ATP4A: variants seen among roughly 807,000 people sequenced by gnomAD.
The protein encoded by ATP4A is ATPase H+/K+ transporting subunit alpha.
In ATP4A, 73 loss-of-function variants were observed where a neutral mutation model predicts 112.1. The ratio of observed to expected loss-of-function variants is 0.65; its 90% CI spans 0.54 to 0.79. The LOEUF (loss-of-function observed/expected upper bound fraction) is 0.79, where lower values mean the gene tolerates loss of function less well. ATP4A is among the 30% of genes least tolerant of loss of function. ATP4A has a pLI of 0.00. For synonymous variants in ATP4A, 588 were observed against 588.9 expected (o/e 1.00, Z 0.02); for missense variants, 1,081 against 1,425.9 (o/e 0.76, Z 3.90).
Position 35,560,478 on chromosome 19 carries a change from C to T in ATP4A, c.672G>A (p.Val224=), listed in dbSNP as rs2071662994. The T allele has an allele frequency of 6.2e-7, 1 of 1,613,670 alleles. No homozygotes were observed. Among genetic ancestry groups the T allele is most frequent in the Non-Finnish European group, 8.5e-7 (1 of 1,180,014 alleles). Residue 224 remains valine, a synonymous_variant, in exon 6 of 22, where the codon GTG becomes GTA. Coordinates refer to ENST00000262623, the MANE Select transcript of ATP4A (RefSeq NM_000704.3). The surrounding 1 kb of genome is among the most constrained non-coding windows in gnomAD (Gnocchi z 5.1). Reference sequence around the variant, plus strand: ...ACTCCCCTGTCAGCGAGGAGTTGTCCACCTTGCAGCCCTGGGCCGCCAGGA... The same window carrying T: ...ACTCCCCTGTCAGCGAGGAGTTGTCTACCTTGCAGCCCTGGGCCGCCAGGA... The part of the protein sequence containing the change: ...IRILAAQGCK[V]DNSSLTGESE...
At position 35,560,663 on chromosome 19, in the gene ATP4A, G is replaced by GGGGGGGGC; in HGVS notation, c.535-49_535-48insGCCCCCCC. 1.8e-5 allele frequency: 16 copies of GGGGGGGGC among 883,904 alleles called. No homozygotes were observed. The highest frequency in any genetic ancestry group is 2.8e-5 in the Non-Finnish European group (16 of 561,672). 54.8% of individuals were successfully genotyped at this position (883,904 alleles called of 1,614,324 possible). A position where few individuals can be genotyped will look rare whatever the true frequency, so the allele number is the denominator to read the frequency against. ...TTGAGGTGGACGGGGGTGGGGGTGG[G>GGGGGGGGC]AGCTGCTGCATGTGGGGAGGTAAAG... On this transcript the variant is annotated intron_variant, in intron 5 of 21. Transcript: ENST00000262623. The surrounding 1 kb of genome is among the most constrained non-coding windows in gnomAD (Gnocchi z 5.1).
Position 35,558,829 on chromosome 19 carries a change from C to T in ATP4A, c.1256-143G>A, listed in dbSNP as rs1016610234. ...TCCACCCAACCCTGAGGGACCCAGCCCCCGGATGACCCTTCCCTCTAGACC... is the reference window on the plus strand; with the variant it reads ...TCCACCCAACCCTGAGGGACCCAGCTCCCGGATGACCCTTCCCTCTAGACC... On this transcript the variant is annotated intron_variant, in intron 8 of 21. Coordinates refer to ENST00000262623, the MANE Select transcript of ATP4A (RefSeq NM_000704.3). The surrounding 1 kb of genome is among the most constrained non-coding windows in gnomAD (Gnocchi z 5.1). 1 of 1,247,826 alleles carries T rather than the reference C, an allele frequency of 8.0e-7. No individual in the cohort carries two copies. Among genetic ancestry groups the T allele is most frequent in the Non-Finnish European group, 1.1e-6 (1 of 910,600 alleles). The allele number at this position is 1,247,826 out of a possible 1,614,324, so 77.3% of individuals were successfully genotyped here.
chr19:35,553,015 G>C, intron 18 of ATP4A, 22 bp downstream of exon 18: 1 of 1,570,854 alleles, frequency 6.4e-7, no homozygotes, highest in Non-Finnish European at 8.7e-7. Context: ...CCAGGGATGG[G>C]ATGGGGCGGG....
In ATP4A at chr19:35,555,396, C is replaced by A; in HGVS notation, c.2157+44G>T. On this transcript the variant is annotated intron_variant, in intron 14 of 21. Transcript: ENST00000262623. The surrounding 1 kb of genome is among the most constrained non-coding windows in gnomAD (Gnocchi z 6.6). ...AGTGAGAGGCCGGTCCAAGACCAGCCCCGCCTGTCTGCCCGCCTGCCCACC... is the reference window on the plus strand; with the variant it reads ...AGTGAGAGGCCGGTCCAAGACCAGCACCGCCTGTCTGCCCGCCTGCCCACC... 3 of 1,600,150 alleles carry A rather than the reference C, an allele frequency of 1.9e-6. No homozygotes were observed. The highest frequency in any genetic ancestry group is 2.6e-6 in the Non-Finnish European group (3 of 1,171,366).
At chr19:35,554,891 T>G (rs772264272) in intron 16 of ATP4A, 31 bp downstream of exon 16, 2 of 1,613,364 alleles carry the variant, frequency 1.2e-6, no homozygotes, top group South Asian at 2.2e-5. Flanking sequence ...CTGGGCACCC[T>G]GTGGATGGGT....
In ATP4A at chr19:35,557,145, G is replaced by A; in HGVS notation, c.1694-57C>T. On this transcript the variant is annotated intron_variant, in intron 11 of 21. Coordinates refer to ENST00000262623, the MANE Select transcript of ATP4A (RefSeq NM_000704.3). This position sits in a 1 kb window ranked among gnomAD's most constrained non-coding sequence, Gnocchi z 4.4. Reference sequence around the variant, plus strand: ...CCTGGGCACACCCTTTCTTAGCAGGGCCAGGAAATGGGTAAAATAACCAGG... The same window carrying A: ...CCTGGGCACACCCTTTCTTAGCAGGACCAGGAAATGGGTAAAATAACCAGG... 3 of 1,589,282 alleles carry A rather than the reference G, an allele frequency of 1.9e-6. No homozygotes were observed. The highest frequency in any genetic ancestry group is 8.6e-7 in the Non-Finnish European group (1 of 1,162,288).
chr19:35,561,493 T>C (rs2071670489), intron 4 of ATP4A, among the ~76,000 whole-genome samples: 1 of 152,032 alleles, frequency 6.6e-6, no homozygotes, highest in South Asian at 2.1e-4. Flanking sequence ...GCCCCCATGT[T>C]CTAGCTCCCC....
rs892059585 is a variant in ATP4A, at chr19:35,551,456, C to G, written c.2876G>C (p.Gly959Ala). 1.2e-6 allele frequency: 2 copies of G among 1,613,942 alleles called. No homozygotes were observed. Among genetic ancestry groups the G allele is most frequent in the African/African-American group, 2.7e-5 (2 of 74,884 alleles). ...KTRRLSAFQQ[G>A]FFRNKILVIA... Reference sequence around the variant, plus strand: ...GGCCAGCCAGGGACACCTGAAGAAGCCTTGCTGGAAGGCAGAGAGACGGCG... The same window carrying G: ...GGCCAGCCAGGGACACCTGAAGAAGGCTTGCTGGAAGGCAGAGAGACGGCG... Residue 959 changes from glycine to alanine, a missense_variant, in exon 19 of 22, where the codon GGC (glycine) becomes GCC (alanine). Gly to Ala is a moderately conservative substitution (Grantham distance 60). Coordinates refer to ENST00000262623, the MANE Select transcript of ATP4A (RefSeq NM_000704.3). This position sits in a 1 kb window ranked among gnomAD's most constrained non-coding sequence, Gnocchi z 5.2.
rs2071665367 is a variant in ATP4A at position 35,560,672 on chromosome 19, C to T, written c.535-57G>A. 1.3e-6 allele frequency: 2 copies of T among 1,588,160 alleles called. No homozygotes were observed. Among genetic ancestry groups the T allele is most frequent in the African/African-American group, 1.3e-5 (1 of 74,368 alleles). On this transcript the variant is annotated intron_variant, in intron 5 of 21. Coordinates refer to ENST00000262623, the MANE Select transcript of ATP4A (RefSeq NM_000704.3). The surrounding 1 kb of genome is among the most constrained non-coding windows in gnomAD (Gnocchi z 5.1). ...ACGGGGGTGGGGGTGGGAGCTGCTG[C>T]ATGTGGGGAGGTAAAGGATGAGGAG...
Position 35,563,283 on chromosome 19 carries a change from G to A in ATP4A, c.157-15C>T, listed in dbSNP as rs368022280. ...TGGTGGTCGTTCTGTGTGGTGGGGT[G>A]GGGCAGGGTGCTTGCTCTGGGCTCT... On this transcript the variant is annotated splice_polypyrimidine_tract_variant and intron_variant, in intron 2 of 21. Coordinates refer to ENST00000262623, the MANE Select transcript of ATP4A (RefSeq NM_000704.3). 3.2e-5 allele frequency: 52 copies of A among 1,613,890 alleles called. No individual in the cohort carries two copies. Among genetic ancestry groups the A allele is most frequent in the Non-Finnish European group, 4.3e-5 (51 of 1,180,014 alleles).
Position 35,560,786 on chromosome 19 carries a change from G to C in ATP4A, c.534+33C>G. ...CTACAGGAGCAGTTTGGAGTCTCTGGGATCTGGAGTGGCTGGGTGCTGGGG... is the reference window on the plus strand; with the variant it reads ...CTACAGGAGCAGTTTGGAGTCTCTGCGATCTGGAGTGGCTGGGTGCTGGGG... On this transcript the variant is annotated intron_variant, in intron 5 of 21. Transcript: ENST00000262623. This position sits in a 1 kb window ranked among gnomAD's most constrained non-coding sequence, Gnocchi z 5.1. The C allele has an allele frequency of 2.5e-6, 4 of 1,606,086 alleles. No homozygotes were observed. Among genetic ancestry groups the C allele is most frequent in the Non-Finnish European group, 3.4e-6 (4 of 1,172,766 alleles).
At position 35,560,023 on chromosome 19, in the gene ATP4A, G is replaced by C. The variant is rs140284450; in HGVS notation, c.838C>G (p.Arg280Gly). The change falls in exon 7 of 22, where the codon CGC becomes GGC. Residue 280 changes from arginine to glycine, a missense_variant. Arg to Gly is a moderately radical substitution (Grantham distance 125). Transcript: ENST00000262623. This position sits in a 1 kb window ranked among gnomAD's most constrained non-coding sequence, Gnocchi z 5.1. Reference protein sequence around the residue: ...VNTGDRTIIGRIASLASGVEN... With the variant: ...VNTGDRTIIGGIASLASGVEN... Reference sequence around the variant, plus strand: ...ACCCCCGACGCCAGCGATGCGATGCGCCCAATGATGGTGCGGTCGCCCGTG... The same window carrying C: ...ACCCCCGACGCCAGCGATGCGATGCCCCCAATGATGGTGCGGTCGCCCGTG... 2 of 1,614,224 alleles carry C rather than the reference G, an allele frequency of 1.2e-6. No individual in the cohort carries two copies. The highest frequency in any genetic ancestry group is 1.7e-6 in the Non-Finnish European group (2 of 1,180,040).
intron 4 of ATP4A, among the ~76,000 whole-genome samples, chr19:35,561,189 C>G (rs1050652114): frequency 1.3e-5 from 2 of 152,082 alleles, no homozygotes; most frequent in Non-Finnish European, 2.9e-5. Context: ...AATCCTCAAT[C>G]TTCCATGTCC....
rs997783294 is a variant in ATP4A, at chr19:35,563,387, C to T, written c.153G>A (p.Glu51=). 5 of 1,610,000 alleles carry T rather than the reference C, an allele frequency of 3.1e-6. No individual in the cohort carries two copies. In the African/African-American group the frequency reaches 6.7e-5, roughly 22 times the overall value. The change falls in exon 2 of 22, where the codon GAG becomes GAA. Residue 51 remains glutamate, a synonymous_variant. Transcript: ENST00000262623. Reference sequence around the variant, plus strand: ...CCCCTCCCCAGTCAGAGCTCACAATCTCCATCTCCTTCTTCATGTTCTCCA... The same window carrying T: ...CCCCTCCCCAGTCAGAGCTCACAATTTCCATCTCCTTCTTCATGTTCTCCA... The part of the protein sequence containing the change: ...EKLENMKKEM[E]INDHQLSVAE...
intron 3 of ATP4A, 92 bp downstream of exon 3, chr19:35,563,115 CCT>C (rs2071681822): frequency 2.5e-5 from 35 of 1,391,788 alleles, no homozygotes; most frequent in South Asian, 7.4e-5. Context: ...TTCATCTCTC[CCT>C]CTCTCTCCCT....
Position 35,557,397 on chromosome 19 carries a change from C to T in ATP4A, c.1693+258G>A, listed in dbSNP as rs1449384018. Among the ~76,000 whole-genome samples the T allele has an allele frequency of 6.6e-6, 1 of 152,102 alleles. No individual in the cohort carries two copies. The highest frequency in any genetic ancestry group is 1.5e-5 in the Non-Finnish European group (1 of 68,018). On this transcript the variant is annotated intron_variant, in intron 11 of 21. Coordinates refer to ENST00000262623, the MANE Select transcript of ATP4A (RefSeq NM_000704.3). This position sits in a 1 kb window ranked among gnomAD's most constrained non-coding sequence, Gnocchi z 4.4. ...AGGGTAGAGGCAGCGAAGTTTAAGG[C>T]GTCAGGACAAAAATTGGGAGAGGTT...
rs1300052513 is a variant in ATP4A, at chr19:35,555,542, G to A, written c.2055C>T (p.Asp685=). 6.3e-7 allele frequency: 1 copy of A among 1,595,762 alleles called. No individual in the cohort carries two copies. Residue 685 remains aspartate (D), a synonymous_variant, in exon 14 of 22, where the codon GAC becomes GAT. Coordinates refer to ENST00000262623, the MANE Select transcript of ATP4A (RefSeq NM_000704.3). This position sits in a 1 kb window ranked among gnomAD's most constrained non-coding sequence, Gnocchi z 6.6. The part of the protein sequence containing the change: ...VINGMQLKDM[D]PSELVEALRT... ...GCAGGGCCTCGACCAGTTCCGATGGGTCCATGTCCTTCAGCTGCATGCCAT... is the reference window on the plus strand; with the variant it reads ...GCAGGGCCTCGACCAGTTCCGATGGATCCATGTCCTTCAGCTGCATGCCAT...
In ATP4A at chr19:35,559,921, C is replaced by G; in HGVS notation, c.940G>C (p.Gly314Arg). 1 of 1,614,162 alleles carries G rather than the reference C, an allele frequency of 6.2e-7. No individual in the cohort carries two copies. Among genetic ancestry groups the G allele is most frequent in the South Asian group, 1.1e-5 (1 of 91,074 alleles). ...DIIAGLAILF[G>R]ATFFIVAMCI... is the part of the protein sequence containing the mutation. ...ATGGCCACAATAAAAAATGTGGCACCGAAGAGAATGGCCAGGCCCGCGATG... is the reference window on the plus strand; with the variant it reads ...ATGGCCACAATAAAAAATGTGGCACGGAAGAGAATGGCCAGGCCCGCGATG... Residue 314 changes from glycine to arginine, a missense_variant, in exon 7 of 22, where the codon GGT becomes CGT. By Grantham distance (125) the Gly-to-Arg change is moderately radical. Coordinates refer to ENST00000262623, the MANE Select transcript of ATP4A (RefSeq NM_000704.3). This position sits in a 1 kb window ranked among gnomAD's most constrained non-coding sequence, Gnocchi z 4.1.
Position 35,550,430 on chromosome 19 carries a change from T to G in ATP4A, c.*185A>C. 1 of 742,434 alleles carries G rather than the reference T, an allele frequency of 1.3e-6. No individual in the cohort carries two copies. The allele number at this position is 742,434 out of a possible 1,614,324, so 46.0% of individuals were successfully genotyped here. On this transcript the variant is annotated 3_prime_UTR_variant, in exon 22 of 22. Transcript: ENST00000262623. This position sits in a 1 kb window ranked among gnomAD's most constrained non-coding sequence, Gnocchi z 4.1. Reference sequence around the variant, plus strand: ...CTGCTGCTCCAGGAGGTGCGAACCTTGGGAATGGGGGAGGGGAGTGGGCAG... The same window carrying G: ...CTGCTGCTCCAGGAGGTGCGAACCTGGGGAATGGGGGAGGGGAGTGGGCAG...
Sources: allele counts gnomAD v4.1 joint callset (sites outside exome capture counted in the v4.1 genomes callset), GRCh38; gene constraint gnomAD v4.1.1; non-coding constraint Gnocchi (gnomAD v3.1); transcripts MANE v1.5; gene names NCBI Gene and HGNC (gene_info 2026-07-23, HGNC 2026-07-21).